ARHGEF4: variants seen among roughly 807,000 people sequenced by gnomAD.
The protein encoded by ARHGEF4 is Rho guanine nucleotide exchange factor 4.
Under a neutral mutation model 162.0 loss-of-function variants are expected in ARHGEF4, and 119 were observed. That is an observed-to-expected ratio of 0.73 (90% CI 0.63 to 0.86). The LOEUF (loss-of-function observed/expected upper bound fraction) is 0.86. Among genes scored for constraint, ARHGEF4 ranks in the 40% least tolerant of loss-of-function variants. The probability of loss-of-function intolerance (pLI) is 0.00; values close to 1 mark genes in which losing one functional copy is unlikely to be tolerated. For synonymous variants in ARHGEF4, 1,014 were observed against 979.9 expected (o/e 1.03, Z -0.65); for missense variants, 2,488 against 2,456.0 (o/e 1.01, Z -0.28).
At chr2:130,875,761 C>T (rs547791476) in intron 1 of ARHGEF4, among the ~76,000 whole-genome samples, 6 of 152,258 alleles carry the variant, frequency 3.9e-5, no homozygotes, top group South Asian at 2.1e-4. Context: ...CAAGATATTC[C>T]GCAAGTGGAT....
intron 1 of ARHGEF4, among the ~76,000 whole-genome samples, chr2:130,841,239 T>C (rs1680585446): frequency 6.6e-6 from 1 of 152,064 alleles, no homozygotes; most frequent in African/African-American, 2.4e-5. Flanking sequence ...TAATTTTTTG[T>C]ATTTTTAGTA....
intron 5 of ARHGEF4, among the ~76,000 whole-genome samples, chr2:131,037,477 C>T (rs1325967934): frequency 6.6e-6 from 1 of 152,198 alleles, no homozygotes; most frequent in Admixed American, 6.5e-5. Context: ...GAAAGGAGGG[C>T]TCCTGGGATG....
intron 4 of ARHGEF4, among the ~76,000 whole-genome samples, chr2:130,982,495 G>C (rs1686183988): frequency 6.6e-6 from 1 of 151,980 alleles, no homozygotes; most frequent in Admixed American, 6.6e-5. Flanking sequence ...GACTTACACA[G>C]ATTATCCATG....
intron 1 of ARHGEF4, among the ~76,000 whole-genome samples, chr2:130,882,614 G>T (rs1404379144): frequency 4.6e-5 from 7 of 152,096 alleles, no homozygotes; most frequent in African/African-American, 1.7e-4. Flanking sequence ...AAGGACAGAG[G>T]CCTTCAGTCC....
At position 131,043,562 on chromosome 2, in the gene ARHGEF4, C is replaced by T; in HGVS notation, c.5136C>T (p.His1712=). Residue 1712 remains histidine (H), a synonymous_variant, in exon 11 of 14, where the codon CAC becomes CAT. Coordinates refer to ENST00000409359, the MANE Select transcript of ARHGEF4 (RefSeq NM_001367493.1). ...SQQRMFFLFD[H]QLIYCKKDLL... is the part of the protein sequence containing the mutation. ...AGCGAATGTTCTTTCTCTTTGACCA[C>T]CAGCTCATCTACTGTAAGAAGGTAC... 6.2e-7 allele frequency: 1 copy of T among 1,614,092 alleles called. No homozygotes were observed. The highest frequency in any genetic ancestry group is 8.5e-7 in the Non-Finnish European group (1 of 1,180,022).
intron 4 of ARHGEF4, among the ~76,000 whole-genome samples, chr2:131,010,263 TA>T (rs1308501627): frequency 6.6e-6 from 1 of 152,204 alleles, no homozygotes; most frequent in Non-Finnish European, 1.5e-5. Flanking sequence ...CTCTGTGTTT[TA>T]GCCACCCCTT....
At chr2:131,025,222 G>A (rs1485811301) in intron 4 of ARHGEF4, among the ~76,000 whole-genome samples, 2 of 152,200 alleles carry the variant, frequency 1.3e-5, no homozygotes, top group Admixed American at 1.3e-4. Context: ...CCACATGGCA[G>A]CAGGAGAGAG....
At chr2:131,029,597 C>G (rs1689705016) in intron 5 of ARHGEF4, among the ~76,000 whole-genome samples, 2 of 148,904 alleles carry the variant, frequency 1.3e-5, no homozygotes, top group African/African-American at 5.0e-5. Flanking sequence ...GTCGCCCAGG[C>G]TGGAGTGCAT....
intron 4 of ARHGEF4, among the ~76,000 whole-genome samples, chr2:130,950,718 C>G (rs1489368850): frequency 6.8e-6 from 1 of 146,326 alleles, no homozygotes; most frequent in Non-Finnish European, 1.5e-5. Context: ...AACCACTTAT[C>G]TACTTCCTGT....
intron 4 of ARHGEF4, among the ~76,000 whole-genome samples, chr2:131,019,665 G>T (rs994966225): frequency 6.6e-6 from 1 of 150,588 alleles, no homozygotes; most frequent in African/African-American, 2.4e-5. Context: ...ATGGAGTCTC[G>T]CTCTGTCGCC....
At chr2:131,036,851 C>T (rs1292823473) in intron 5 of ARHGEF4, among the ~76,000 whole-genome samples, 1 of 152,196 alleles carries the variant, frequency 6.6e-6, no homozygotes, top group Non-Finnish European at 1.5e-5. Flanking sequence ...TCACTGGTGT[C>T]CCCAGACCGC....
At chr2:131,019,068 C>G (rs1375458714) in intron 4 of ARHGEF4, among the ~76,000 whole-genome samples, 1 of 151,986 alleles carries the variant, frequency 6.6e-6, no homozygotes, top group East Asian at 1.9e-4. Context: ...AGTCAGGACC[C>G]CTTGAGATTC....
At chr2:130,839,101 G>C (rs1398869506) in intron 1 of ARHGEF4, among the ~76,000 whole-genome samples, 1 of 152,140 alleles carries the variant, frequency 6.6e-6, no homozygotes, top group Non-Finnish European at 1.5e-5. Context: ...CCTTTCTGCT[G>C]TCCACATGGG....
At position 130,870,276 on chromosome 2, in the gene ARHGEF4, G is replaced by A. The variant is rs536640099; in HGVS notation, c.39+33284G>A. ...ACAGACGAGATGGGACCTAGCCCCC[G>A]GGAGCAGGGTAGGCCCTTTGGTAGG... On this transcript the variant is annotated intron_variant, in intron 1 of 13. Coordinates refer to ENST00000409359, the MANE Select transcript of ARHGEF4 (RefSeq NM_001367493.1). 2.9e-4 allele frequency among the ~76,000 whole-genome samples: 44 copies of A among 152,326 alleles called. 1 individual carries two copies. The South Asian group carries it at 8.1e-3, about 28-fold the overall frequency.
chr2:130,961,229 T>G (rs10188571), intron 4 of ARHGEF4, among the ~76,000 whole-genome samples: 149,574 of 152,316 alleles, frequency 0.98, 73,489 homozygotes, highest in Middle Eastern at 1. Context: ...TGATGGGTAA[T>G]GCCCCTTTGC....
intron 4 of ARHGEF4, among the ~76,000 whole-genome samples, chr2:130,981,373 C>G (rs1400176448): frequency 2.0e-5 from 3 of 152,070 alleles, no homozygotes; most frequent in African/African-American, 7.2e-5. Flanking sequence ...CAAACAGCAA[C>G]AAATAAAAAC....
chr2:130,976,858 G>A (rs1685752486), intron 4 of ARHGEF4, among the ~76,000 whole-genome samples: 1 of 151,988 alleles, frequency 6.6e-6, no homozygotes, highest in Admixed American at 6.5e-5. Flanking sequence ...TGTTTGTGGT[G>A]TGTGTCTGGT....
chr2:131,039,529 G>T, intron 6 of ARHGEF4: 1 of 1,033,340 alleles, frequency 9.7e-7, no homozygotes, highest in Non-Finnish European at 1.2e-6. Context: ...GCCTGGCTCA[G>T]GGCGTCCAAG....
At chr2:131,040,982 T>C (rs1361179475) in intron 8 of ARHGEF4, among the ~76,000 whole-genome samples, 1 of 152,168 alleles carries the variant, frequency 6.6e-6, no homozygotes. Flanking sequence ...GTCCTTGTTA[T>C]CATGGATTTC....
Sources: gnomAD v4.1 joint callset for allele counts (sites outside exome capture counted in the v4.1 genomes callset) on GRCh38, gnomAD v4.1.1 for gene constraint, MANE v1.5 for transcripts, NCBI Gene and HGNC (gene_info 2026-07-23, HGNC 2026-07-21) for gene names.